Variants in KIZ observed in about 807,000 individuals in gnomAD.
KIZ encodes the protein kizuna centrosomal protein, also known as centrosomal protein kizuna.
Under a neutral mutation model 79.6 loss-of-function variants are expected in KIZ, and 68 were observed. The observed-to-expected ratio is 0.85, with a 90% CI of 0.70 to 1.05. The LOEUF (loss-of-function observed/expected upper bound fraction) is 1.05, where lower values mean the gene tolerates loss of function less well. Among genes scored for constraint, KIZ ranks in the 50% least tolerant of loss-of-function variants. The probability of loss-of-function intolerance (pLI) is 0.00; values close to 1 mark genes in which losing one functional copy is unlikely to be tolerated. For missense variants in KIZ, 797 were observed against 800.4 expected (o/e 1.00, Z 0.05); for synonymous variants, 280 against 281.8 (o/e 0.99, Z 0.06).
intron 3 of KIZ, among the ~76,000 whole-genome samples, chr20:21,137,991 C>T (rs908611479): frequency 3.9e-5 from 6 of 152,074 alleles, no homozygotes; most frequent in Admixed American, 2.0e-4. Context: ...AGGCTGGTCT[C>T]GAACTCCCAG....
At chr20:21,164,752 C>T (rs530030431) in intron 6 of KIZ, among the ~76,000 whole-genome samples, 1 of 151,448 alleles carries the variant, frequency 6.6e-6, no homozygotes, top group South Asian at 2.1e-4. Context: ...TAAAGTCAAG[C>T]TCCTTGGAGT....
chr20:21,199,063 A>G (rs2035479041), intron 6 of KIZ, among the ~76,000 whole-genome samples: 2 of 152,280 alleles, frequency 1.3e-5, no homozygotes, highest in East Asian at 3.9e-4. Context: ...TGGGAAGGAT[A>G]TATGCATTTA....
intron 11 of KIZ, among the ~76,000 whole-genome samples, chr20:21,236,996 TAAA>T (rs112003553): frequency 1.5e-5 from 2 of 130,050 alleles, no homozygotes; most frequent in Non-Finnish European, 1.6e-5. Context: ...AGACTCTGTT[TAAA>T]AAAAAAAAAA....
chr20:21,183,460 T>C (rs1330492447), intron 6 of KIZ, among the ~76,000 whole-genome samples: 1 of 152,210 alleles, frequency 6.6e-6, no homozygotes. Flanking sequence ...ACCGCAGCTC[T>C]GTGGTGCTTG....
chr20:21,167,557 C>T (rs1309913412), intron 6 of KIZ, among the ~76,000 whole-genome samples: 7 of 129,886 alleles, frequency 5.4e-5, no homozygotes, highest in South Asian at 2.7e-4. Context: ...TTGTTTGTTT[C>T]GCTTTTTTTT....
intron 6 of KIZ, among the ~76,000 whole-genome samples, chr20:21,188,997 C>T (rs539821425): frequency 6.6e-6 from 1 of 151,972 alleles, no homozygotes; most frequent in South Asian, 2.1e-4. Context: ...TGTGAGCCAC[C>T]CCGCCCAGCC....
intron 3 of KIZ, among the ~76,000 whole-genome samples, chr20:21,144,978 A>T (rs1400554434): frequency 6.6e-6 from 1 of 152,136 alleles, no homozygotes; most frequent in Non-Finnish European, 1.5e-5. Context: ...TGATGCAGAC[A>T]TCTTTATGTA....
intron 10 of KIZ, among the ~76,000 whole-genome samples, chr20:21,231,033 C>T (rs546965292): frequency 6.6e-5 from 10 of 152,120 alleles, no homozygotes; most frequent in Non-Finnish European, 1.0e-4. Context: ...TGGACAAATG[C>T]AAAAGATGAG....
At chr20:21,202,537 A>G (rs566794125) in intron 6 of KIZ, among the ~76,000 whole-genome samples, 1 of 152,350 alleles carries the variant, frequency 6.6e-6, no homozygotes, top group South Asian at 2.1e-4. Flanking sequence ...GACTCATCTC[A>G]CTTTATTCAA....
At chr20:21,182,002 C>G (rs992591476) in intron 6 of KIZ, among the ~76,000 whole-genome samples, 2 of 152,218 alleles carry the variant, frequency 1.3e-5, no homozygotes, top group Non-Finnish European at 2.9e-5. Flanking sequence ...TTTCCCTGCT[C>G]TGACATCCTC....
chr20:21,244,344 T>C, intron 12 of KIZ, 56 bp downstream of exon 12: 1 of 1,246,672 alleles, frequency 8.0e-7, no homozygotes, highest in Admixed American at 1.7e-5. Context: ...CAAAAAACTC[T>C]GTGACATGCA....
chr20:21,129,200 A>T (rs1263238537), intron 1 of KIZ, among the ~76,000 whole-genome samples: 1 of 152,186 alleles, frequency 6.6e-6, no homozygotes, highest in Non-Finnish European at 1.5e-5. Context: ...TAGGCCTGTG[A>T]AGAAGAGTTA....
rs149417117 is a variant in KIZ at position 21,146,269 on chromosome 20, A to T, written c.405+615A>T. ...AAAACATCTTGTAATAACTTGGAGC[A>T]TGCTGGCAAGAGTAGTCACTTGTGA... On this transcript the variant is annotated intron_variant, in intron 4 of 12. Coordinates refer to ENST00000619189, the MANE Select transcript of KIZ (RefSeq NM_018474.6). Among the ~76,000 whole-genome samples, 401 of 146,588 alleles carry T rather than the reference A, an allele frequency of 2.7e-3. 2 individuals are homozygous for T. The highest frequency in any genetic ancestry group is 9.2e-3 in the African/African-American group (375 of 40,806).
At chr20:21,221,966 G>C (rs891019560) in intron 9 of KIZ, among the ~76,000 whole-genome samples, 1 of 152,126 alleles carries the variant, frequency 6.6e-6, no homozygotes, top group Admixed American at 6.5e-5. Context: ...CATATTACCT[G>C]TTGTGCCTGG....
At chr20:21,182,501 G>A (rs2034695182) in intron 6 of KIZ, among the ~76,000 whole-genome samples, 1 of 152,006 alleles carries the variant, frequency 6.6e-6, no homozygotes, top group African/African-American at 2.4e-5. Flanking sequence ...TTCTATGGAA[G>A]ACCAAATAGT....
intron 6 of KIZ, among the ~76,000 whole-genome samples, chr20:21,163,983 T>C (rs1002401067): frequency 5.3e-5 from 8 of 152,024 alleles, no homozygotes; most frequent in East Asian, 1.9e-4. Context: ...CTTTTACAAA[T>C]GAGGAAACGA....
intron 9 of KIZ, among the ~76,000 whole-genome samples, chr20:21,227,777 C>CACATTACA (rs1454073872): frequency 6.6e-6 from 1 of 152,160 alleles, no homozygotes; most frequent in Non-Finnish European, 1.5e-5. Context: ...CACACATACA[C>CACATTACA]ACATTACACA....
chr20:21,210,105 C>G (rs2036006692), intron 7 of KIZ, among the ~76,000 whole-genome samples: 1 of 151,968 alleles, frequency 6.6e-6, no homozygotes, highest in Non-Finnish European at 1.5e-5. Flanking sequence ...GTCAGTAGTT[C>G]AAGACCAGTC....
In KIZ at chr20:21,152,627, C is replaced by G. The variant is rs1032930357; in HGVS notation, c.405+6973C>G. On this transcript the variant is annotated intron_variant, in intron 4 of 12. Coordinates refer to ENST00000619189, the MANE Select transcript of KIZ (RefSeq NM_018474.6). ...TGACAGTTTTAGGTATTTGTTAAGC[C>G]TCTTAGGAAGTGTTACTTGAAAACC... Among the ~76,000 whole-genome samples the G allele has an allele frequency of 2.6e-5, 4 of 152,140 alleles. No individual in the cohort carries two copies. The South Asian group carries it at 8.3e-4, about 32-fold the overall frequency.
Sources: gnomAD v4.1 joint callset for allele counts (sites outside exome capture counted in the v4.1 genomes callset) on GRCh38, gnomAD v4.1.1 for gene constraint, MANE v1.5 for transcripts, NCBI Gene and HGNC (gene_info 2026-07-23, HGNC 2026-07-21) for gene names.